SLC49A4: variants seen among roughly 807,000 people sequenced by gnomAD.
The protein encoded by SLC49A4 is solute carrier family 49 member 4.
In SLC49A4, 36 loss-of-function variants were observed where a neutral mutation model predicts 50.6. The observed-to-expected ratio is 0.71, with a 90% CI of 0.55 to 0.94. The LOEUF is 0.94. Ranked by LOEUF, SLC49A4 falls within the 40% of genes least tolerant of loss-of-function variation. The pLI is 0.00. For synonymous variants in SLC49A4, 248 were observed against 241.2 expected (o/e 1.03, Z -0.26); for missense variants, 503 against 605.7 (o/e 0.83, Z 1.78).
intron 5 of SLC49A4, among the ~76,000 whole-genome samples, chr3:122,846,291 A>G (rs940612375): frequency 1.3e-5 from 2 of 152,188 alleles, no homozygotes; most frequent in Non-Finnish European, 2.9e-5. Flanking sequence ...TTTCACCTAT[A>G]TGCTTGATGT....
chr3:122,859,894 GAGAAAAAAAATTA>G (rs1937036190), intron 6 of SLC49A4, among the ~76,000 whole-genome samples, 168 bp from the exon 7 acceptor site: 3 of 151,814 alleles, frequency 2.0e-5, no homozygotes, highest in African/African-American at 7.3e-5. Flanking sequence ...TGTTTTATAA[GAGAAAAAAAATTA>G]TCACAAAGTA....
chr3:122,831,746 A>G (rs1936610906), intron 3 of SLC49A4, among the ~76,000 whole-genome samples: 1 of 152,128 alleles, frequency 6.6e-6, no homozygotes, highest in East Asian at 1.9e-4. Flanking sequence ...TGTGCATTGT[A>G]TGTCATGTGA....
chr3:122,796,533 G>A (rs1936043362), intron 1 of SLC49A4, among the ~76,000 whole-genome samples: 1 of 152,174 alleles, frequency 6.6e-6, no homozygotes, highest in Non-Finnish European at 1.5e-5. Flanking sequence ...CAGAATCGGT[G>A]TCGGGTGAGG....
intron 1 of SLC49A4, among the ~76,000 whole-genome samples, chr3:122,805,250 C>T (rs1936198706): frequency 6.6e-6 from 1 of 152,066 alleles, no homozygotes; most frequent in Non-Finnish European, 1.5e-5. Flanking sequence ...TTACTTGTTA[C>T]CAAGAAGCAC....
At chr3:122,798,901 TG>T (rs1023083197) in intron 1 of SLC49A4, among the ~76,000 whole-genome samples, 1 of 152,006 alleles carries the variant, frequency 6.6e-6, no homozygotes, top group Non-Finnish European at 1.5e-5. Flanking sequence ...TCTTGCACCC[TG>T]GGGGGTAGGT....
At chr3:122,819,373 T>G (rs1302409941) in intron 2 of SLC49A4, among the ~76,000 whole-genome samples, 2 of 152,144 alleles carry the variant, frequency 1.3e-5, no homozygotes, top group African/African-American at 4.8e-5. Flanking sequence ...CTAAGCCCTG[T>G]GATAGCTAAT....
intron 8 of SLC49A4, among the ~76,000 whole-genome samples, chr3:122,878,216 C>T (rs1246652543): frequency 6.6e-6 from 1 of 152,166 alleles, no homozygotes; most frequent in East Asian, 1.9e-4. Context: ...AAAATATAAA[C>T]CCATAACAGT....
intron 2 of SLC49A4, among the ~76,000 whole-genome samples, chr3:122,823,537 A>G (rs1045632289): frequency 1.3e-5 from 2 of 152,214 alleles, no homozygotes; most frequent in Admixed American, 6.5e-5. Flanking sequence ...TTTTAATTTT[A>G]CATTCTCATT....
At chr3:122,852,838 T>C (rs1263655184) in intron 5 of SLC49A4, among the ~76,000 whole-genome samples, 2 of 152,166 alleles carry the variant, frequency 1.3e-5, no homozygotes, top group African/African-American at 4.8e-5. Flanking sequence ...CAGACAACCC[T>C]AAAGGAAAAT....
At chr3:122,837,230 C>T (rs928755054) in intron 4 of SLC49A4, among the ~76,000 whole-genome samples, 1 of 152,072 alleles carries the variant, frequency 6.6e-6, no homozygotes, top group African/African-American at 2.4e-5. Context: ...TCATATGGAA[C>T]CAAAAAAGAG....
rs34157113 is a variant in SLC49A4, at chr3:122,848,250, A to AT, written c.942+2387dup. On this transcript the variant is annotated intron_variant, in intron 5 of 8. Coordinates refer to ENST00000261038, the MANE Select transcript of SLC49A4 (RefSeq NM_032839.3). ...CCTAATATCAGTGTTTGAAAAGATC[A>AT]TTTTTTTTCTTCACTGCCCTCTATT... is the stretch of plus-strand genomic sequence containing the variant. 8.7e-4 allele frequency among the ~76,000 whole-genome samples: 132 copies of AT among 151,968 alleles called. 3 individuals are homozygous for AT. In the East Asian group the frequency reaches 0.02, roughly 23 times the overall value.
At chr3:122,802,517 G>A (rs1046529807) in intron 1 of SLC49A4, among the ~76,000 whole-genome samples, 1 of 152,118 alleles carries the variant, frequency 6.6e-6, no homozygotes, top group African/African-American at 2.4e-5. Flanking sequence ...CTGGAGGAAG[G>A]ACTGCCAAAA....
intron 5 of SLC49A4, among the ~76,000 whole-genome samples, chr3:122,855,133 C>G (rs567404008): frequency 6.6e-6 from 1 of 151,848 alleles, no homozygotes; most frequent in Admixed American, 6.6e-5. Context: ...AAATATGACT[C>G]GAAAAACAAC....
At chr3:122,857,645 T>C (rs1248780149) in intron 6 of SLC49A4, among the ~76,000 whole-genome samples, 4 of 152,118 alleles carry the variant, frequency 2.6e-5, no homozygotes, top group African/African-American at 9.7e-5. Context: ...TAGGAAAATA[T>C]AAGAAAACTA....
At chr3:122,850,104 A>G (rs1306956143) in intron 5 of SLC49A4, among the ~76,000 whole-genome samples, 2 of 152,194 alleles carry the variant, frequency 1.3e-5, no homozygotes, top group Non-Finnish European at 2.9e-5. Flanking sequence ...CTGTTCTTGG[A>G]GTTATTTCTA....
At chr3:122,813,685 C>T (rs1256701784) in intron 2 of SLC49A4, among the ~76,000 whole-genome samples, 1 of 152,128 alleles carries the variant, frequency 6.6e-6, no homozygotes, top group Non-Finnish European at 1.5e-5. Flanking sequence ...ACCAAAGGGG[C>T]AAACAATTAA....
intron 8 of SLC49A4, among the ~76,000 whole-genome samples, chr3:122,878,833 TAA>T (rs1301087920): frequency 6.6e-6 from 1 of 152,238 alleles, no homozygotes; most frequent in African/African-American, 2.4e-5. Flanking sequence ...CCAAAACATA[TAA>T]AAGTGTTATT....
chr3:122,827,203 C>A, intron 3 of SLC49A4, 138 bp downstream of exon 3: 1 of 919,726 alleles, frequency 1.1e-6, no homozygotes, highest in Non-Finnish European at 1.6e-6. Flanking sequence ...ACTGTGCATT[C>A]CTTGTCATAT....
rs1162882204 is a variant in SLC49A4, at chr3:122,826,810, G to A, written c.448G>A (p.Gly150Arg). ...DLILKRRLIH[G>R]GQMLNGLAGP... ...ATTTTTAAATTCCAGATTAATTCATGGAGGACAGATGTTAAATGGATTGGC... is the reference window on the plus strand; with the variant it reads ...ATTTTTAAATTCCAGATTAATTCATAGAGGACAGATGTTAAATGGATTGGC... The change falls in exon 3 of 9, where the codon GGA becomes AGA. Residue 150 changes from glycine (G) to arginine (R), a missense_variant. Gly to Arg is a moderately radical substitution (Grantham distance 125). Coordinates refer to ENST00000261038, the MANE Select transcript of SLC49A4 (RefSeq NM_032839.3). The A allele has an allele frequency of 3.7e-6, 6 of 1,613,124 alleles. No individual in the cohort carries two copies. Among genetic ancestry groups the A allele is most frequent in the South Asian group, 1.1e-5 (1 of 91,074 alleles).
Sources: allele counts gnomAD v4.1 joint callset (sites outside exome capture counted in the v4.1 genomes callset), GRCh38; gene constraint gnomAD v4.1.1; transcripts MANE v1.5; gene names NCBI Gene and HGNC (gene_info 2026-07-23, HGNC 2026-07-21).